The following ASPA variants were observed in gnomAD, a reference collection of about 807,000 sequenced individuals.
The protein encoded by ASPA is ACY-2.
ASPA carries 25 observed loss-of-function variants against 29.6 expected under a neutral mutation model. The ratio of observed to expected loss-of-function variants is 0.85; its 90% CI spans 0.62 to 1.18. ASPA has a LOEUF of 1.18. Ranked by LOEUF, ASPA falls within the 50% of genes most tolerant of loss-of-function variation. The pLI is 0.00. For missense variants in ASPA, 333 were observed against 385.7 expected (o/e 0.86, Z 1.14); for synonymous variants, 131 against 130.3 (o/e 1.01, Z -0.04).
rs1476434807 is a variant in ASPA at position 3,493,853 on chromosome 17, GC to G, written c.635-495del. 3.3e-5 allele frequency among the ~76,000 whole-genome samples: 5 copies of G among 152,126 alleles called. No individual in the cohort carries two copies. The East Asian group carries it at 9.7e-4, about 29-fold the overall frequency. ...TTTTCAGTTCTGTTTTCTACCTCTG[GC>G]CGTCGGCGTGTTTGTGGACAGAGTG... On this transcript the variant is annotated intron_variant, in intron 4 of 5. Coordinates refer to ENST00000263080, the MANE Select transcript of ASPA (RefSeq NM_000049.4).
Position 3,499,217 on chromosome 17 carries a change from C to A in ASPA, c.*129C>A. Reference sequence around the variant, plus strand: ...CTAGCACAGTGCCTTATTCGGTAGGCATCTAAGCACATTTCTTAAATTAAT... The same window carrying A: ...CTAGCACAGTGCCTTATTCGGTAGGAATCTAAGCACATTTCTTAAATTAAT... On this transcript the variant is annotated 3_prime_UTR_variant, in exon 6 of 6. Coordinates refer to ENST00000263080, the MANE Select transcript of ASPA (RefSeq NM_000049.4). 1.2e-6 allele frequency: 1 copy of A among 813,428 alleles called. No individual in the cohort carries two copies. Among genetic ancestry groups the A allele is most frequent in the Non-Finnish European group, 1.9e-6 (1 of 534,288 alleles). 50.4% of individuals were successfully genotyped at this position (813,428 alleles called of 1,614,324 possible).
At chr17:3,482,340 T>C (rs1045070475) in intron 2 of ASPA, among the ~76,000 whole-genome samples, 7 of 152,220 alleles carry the variant, frequency 4.6e-5, no homozygotes, top group African/African-American at 1.7e-4. Context: ...ATACGTCTAA[T>C]CTTTCAGTAC....
At chr17:3,483,755 C>T (rs568682479) in intron 3 of ASPA, among the ~76,000 whole-genome samples, 163 bp downstream of exon 3, 10 of 152,186 alleles carry the variant, frequency 6.6e-5, no homozygotes, top group Non-Finnish European at 1.3e-4. Context: ...CTCTACCTCT[C>T]TGGTTCAAGT....
rs141755746 is a variant in ASPA at position 3,483,525 on chromosome 17, C to T, written c.459C>T (p.Tyr153=). ...IKTSLAPLPC[Y]VYLIEHPSLK... is the part of the protein sequence containing the mutation. ...CTTCTCTGGCTCCACTACCCTGCTACGTTTATCTGATTGAGCATCCTTCCC... is the reference window on the plus strand; with the variant it reads ...CTTCTCTGGCTCCACTACCCTGCTATGTTTATCTGATTGAGCATCCTTCCC... The change falls in exon 3 of 6, where the codon TAC becomes TAT. Residue 153 remains tyrosine (Y), a synonymous_variant. Coordinates refer to ENST00000263080, the MANE Select transcript of ASPA (RefSeq NM_000049.4). The T allele has an allele frequency of 3.3e-5, 54 of 1,614,086 alleles. No individual in the cohort carries two copies. Among genetic ancestry groups the T allele is most frequent in the Admixed American group, 2.0e-4 (12 of 60,004 alleles).
At chr17:3,482,860 T>C (rs1164517795) in intron 2 of ASPA, among the ~76,000 whole-genome samples, 1 of 151,586 alleles carries the variant, frequency 6.6e-6, no homozygotes, top group African/African-American at 2.4e-5. Context: ...TACATATGTA[T>C]ACATGTGCCA....
rs1265861869 is a variant in ASPA at position 3,500,366 on chromosome 17, T to C, written c.*1278T>C. On this transcript the variant is annotated 3_prime_UTR_variant, in exon 6 of 6. Transcript: ENST00000263080. ...TGGAAGAAGATGCTATCTAGGACTT[T>C]CCTAGCTAGAGGGGAGAAATGAATG... The C allele has an allele frequency of 1.3e-5, 2 of 152,328 alleles. No homozygotes were observed. Among genetic ancestry groups the C allele is most frequent in the Non-Finnish European group, 2.9e-5 (2 of 68,138 alleles). 9.4% of individuals were successfully genotyped at this position (152,328 alleles called of 1,614,324 possible).
intron 4 of ASPA, among the ~76,000 whole-genome samples, chr17:3,492,402 T>A (rs1025599355): frequency 6.6e-6 from 1 of 152,240 alleles, no homozygotes; most frequent in Non-Finnish European, 1.5e-5. Flanking sequence ...AACTTTTTGG[T>A]TTAAAGAAAT....
In ASPA at chr17:3,503,062, T is replaced by C; in HGVS notation, c.*3974T>C. 6.6e-6 allele frequency: 1 copy of C among 152,220 alleles called. No individual in the cohort carries two copies. The highest frequency in any genetic ancestry group is 1.5e-5 in the Non-Finnish European group (1 of 68,024). The allele number at this position is 152,220 out of a possible 1,614,324, so 9.4% of individuals were successfully genotyped here. ...TCTGCTGGACGCCGCCCCCTCCCTCTCCAGCCCCACCAGGGCCCTCCCCGC... is the reference window on the plus strand; with the variant it reads ...TCTGCTGGACGCCGCCCCCTCCCTCCCCAGCCCCACCAGGGCCCTCCCCGC... On this transcript the variant is annotated 3_prime_UTR_variant, in exon 6 of 6. Coordinates refer to ENST00000263080, the MANE Select transcript of ASPA (RefSeq NM_000049.4).
Position 3,481,407 on chromosome 17 carries a change from T to G in ASPA, c.237-196T>G, listed in dbSNP as rs115796808. 5.6e-3 allele frequency among the ~76,000 whole-genome samples: 851 copies of G among 152,336 alleles called. 9 individuals are homozygous for G. The highest frequency in any genetic ancestry group is 0.019 in the African/African-American group (803 of 41,582). ...ACTTCGCAAGCATGCCAATGCAACA[T>G]TAGTTATATGGAATCAAATGAAGAA... On this transcript the variant is annotated intron_variant, in intron 1 of 5. Coordinates refer to ENST00000263080, the MANE Select transcript of ASPA (RefSeq NM_000049.4).
At chr17:3,491,591 T>C (rs2073824859) in intron 4 of ASPA, among the ~76,000 whole-genome samples, 1 of 151,930 alleles carries the variant, frequency 6.6e-6, no homozygotes, top group Non-Finnish European at 1.5e-5. Context: ...CTACTAAAAA[T>C]GCAAAAATTA....
At chr17:3,477,426 T>TC (rs1047405362) in intron 1 of ASPA, among the ~76,000 whole-genome samples, 2 of 152,174 alleles carry the variant, frequency 1.3e-5, no homozygotes, top group African/African-American at 2.4e-5. Context: ...ATAATATGAC[T>TC]CCACATATTT....
Position 3,490,893 on chromosome 17 carries a change from T to C in ASPA, c.634+1551T>C, listed in dbSNP as rs947246917. On this transcript the variant is annotated intron_variant, in intron 4 of 5. Coordinates refer to ENST00000263080, the MANE Select transcript of ASPA (RefSeq NM_000049.4). The surrounding 1 kb of genome is among the most constrained non-coding windows in gnomAD (Gnocchi z 4.6). ...CCCTTATCTCTGCTTCAACCAGAGCTCTTCTGTGTAACATTTCATTTAAGC... is the reference window on the plus strand; with the variant it reads ...CCCTTATCTCTGCTTCAACCAGAGCCCTTCTGTGTAACATTTCATTTAAGC... Among the ~76,000 whole-genome samples, 1 of 152,138 alleles carries C rather than the reference T, an allele frequency of 6.6e-6. No individual in the cohort carries two copies. Among genetic ancestry groups the C allele is most frequent in the Admixed American group, 6.5e-5 (1 of 15,274 alleles).
rs1483945583 is a variant in ASPA, at chr17:3,500,885, A to G, written c.*1797A>G. The stretch of plus-strand genomic sequence containing the variant: ...AATGGAACAACAAAGCCTCGCTGGC[A>G]GCACATCTGTTTGCGGCATGGTTTA... On this transcript the variant is annotated 3_prime_UTR_variant, in exon 6 of 6. Coordinates refer to ENST00000263080, the MANE Select transcript of ASPA (RefSeq NM_000049.4). The G allele has an allele frequency of 6.6e-6, 1 of 152,146 alleles. No homozygotes were observed. The highest frequency in any genetic ancestry group is 2.4e-5 in the African/African-American group (1 of 41,436). 9.4% of individuals were successfully genotyped at this position (152,146 alleles called of 1,614,324 possible). A position where few individuals can be genotyped will look rare whatever the true frequency, so the allele number is the denominator to read the frequency against.
chr17:3,496,260 C>T (rs566606249), intron 5 of ASPA, among the ~76,000 whole-genome samples: 69 of 152,338 alleles, frequency 4.5e-4, no homozygotes, highest in Middle Eastern at 3.4e-3. Flanking sequence ...CCTCATGGAG[C>T]TTCCATCCCA....
chr17:3,488,321 C>T lies in ASPA; in HGVS notation c.527-914C>T, dbSNP rs999684369. On this transcript the variant is annotated intron_variant, in intron 3 of 5. Coordinates refer to ENST00000263080, the MANE Select transcript of ASPA (RefSeq NM_000049.4). The surrounding 1 kb of genome is among the most constrained non-coding windows in gnomAD (Gnocchi z 6.1). ...AGACCTAATAGTACAGGCATCATTT[C>T]ATATGAGTTAGAAGAAATGAACACA... Among the ~76,000 whole-genome samples, 19 of 152,152 alleles carry T rather than the reference C, an allele frequency of 1.2e-4. No homozygotes were observed. Among genetic ancestry groups the T allele is most frequent in the African/African-American group, 4.6e-4 (19 of 41,426 alleles).
intron 1 of ASPA, among the ~76,000 whole-genome samples, chr17:3,478,028 A>G (rs1161084289): frequency 6.6e-6 from 1 of 151,916 alleles, no homozygotes; most frequent in Non-Finnish European, 1.5e-5. Context: ...TAAAAAAAAT[A>G]CAAAAAATTA....
At chr17:3,498,308 T>C (rs2073941731) in intron 5 of ASPA, among the ~76,000 whole-genome samples, 1 of 152,206 alleles carries the variant, frequency 6.6e-6, no homozygotes, top group Non-Finnish European at 1.5e-5. Context: ...ATAAATCTCT[T>C]TGGCTACATT....
In ASPA at chr17:3,489,256, C is replaced by T; in HGVS notation, c.548C>T (p.Pro183Leu). Residue 183 changes from proline to leucine, a missense_variant, in exon 4 of 6, where the codon CCT (proline) becomes CTT (leucine). Transcript: ENST00000263080. ...YPVGIEVGPQ[P>L]QGVLRADILD... Reference sequence around the variant, plus strand: ...CTAGGTATAGAAGTTGGTCCTCAGCCTCAAGGGGTTCTGAGAGCTGATATC... The same window carrying T: ...CTAGGTATAGAAGTTGGTCCTCAGCTTCAAGGGGTTCTGAGAGCTGATATC... 1 of 1,612,482 alleles carries T rather than the reference C, an allele frequency of 6.2e-7. No homozygotes were observed. The highest frequency in any genetic ancestry group is 8.5e-7 in the Non-Finnish European group (1 of 1,179,436).
intron 4 of ASPA, among the ~76,000 whole-genome samples, chr17:3,493,217 G>A (rs1160948340): frequency 2.0e-5 from 3 of 152,172 alleles, no homozygotes; most frequent in African/African-American, 4.8e-5. Context: ...CAGGCTGCCT[G>A]CATCACAAGA....
Sources: allele counts gnomAD v4.1 joint callset (sites outside exome capture counted in the v4.1 genomes callset), GRCh38; gene constraint gnomAD v4.1.1; non-coding constraint Gnocchi (gnomAD v3.1); transcripts MANE v1.5; gene names NCBI Gene and HGNC (gene_info 2026-07-23, HGNC 2026-07-21).